Variants in ITGBL1 observed in about 807,000 individuals in gnomAD.
ITGBL1 encodes integrin subunit beta like 1, also known as integrin beta-like protein 1.
Under a neutral mutation model 68.5 loss-of-function variants are expected in ITGBL1, and 51 were observed. The ratio of observed to expected loss-of-function variants is 0.74; its 90% CI spans 0.59 to 0.94. ITGBL1 has a LOEUF of 0.94. ITGBL1 is among the 40% of genes least tolerant of loss of function. The probability of loss-of-function intolerance (pLI) is 0.00; values close to 1 mark genes in which losing one functional copy is unlikely to be tolerated. For synonymous variants in ITGBL1, 209 were observed against 227.3 expected (o/e 0.92, Z 0.72); for missense variants, 649 against 647.4 (o/e 1.00, Z -0.03).
intron 2 of ITGBL1, among the ~76,000 whole-genome samples, chr13:101,530,686 A>G (rs1215886320): frequency 6.6e-6 from 1 of 152,220 alleles, no homozygotes; most frequent in East Asian, 1.9e-4. Context: ...TATGTTTGGT[A>G]ATTTACATAT....
intron 2 of ITGBL1, among the ~76,000 whole-genome samples, chr13:101,555,124 C>G (rs2049983790): frequency 6.6e-6 from 1 of 152,058 alleles, no homozygotes. Flanking sequence ...TAAAAAGTGA[C>G]AATATTAATA....
At chr13:101,619,849 A>G (rs1210664208) in intron 7 of ITGBL1, among the ~76,000 whole-genome samples, 1 of 152,198 alleles carries the variant, frequency 6.6e-6, no homozygotes, top group Non-Finnish European at 1.5e-5. Context: ...AACATAGATT[A>G]GTTGAGATAT....
chr13:101,521,519 T>C (rs1376001526), intron 2 of ITGBL1, among the ~76,000 whole-genome samples: 1 of 151,956 alleles, frequency 6.6e-6, no homozygotes, highest in East Asian at 1.9e-4. Context: ...CAGAGACCAG[T>C]GTGCCTGGAT....
intron 2 of ITGBL1, among the ~76,000 whole-genome samples, chr13:101,532,989 T>G (rs1393831489): frequency 6.6e-6 from 1 of 152,186 alleles, no homozygotes; most frequent in Non-Finnish European, 1.5e-5. Flanking sequence ...AAATCAACAT[T>G]GAGCTAAACT....
chr13:101,513,954 T>C lies in ITGBL1; in HGVS notation c.317-53745T>C, dbSNP rs953051816. ...AATGAAGTGCATATTTAAATAAATA[T>C]TTATATAGTGTTTGTTTATTCAATG... On this transcript the variant is annotated intron_variant, in intron 2 of 10. Transcript: ENST00000376180. Among the ~76,000 whole-genome samples the C allele has an allele frequency of 6.6e-5, 10 of 152,076 alleles. 1 individual carries two copies. Among genetic ancestry groups the C allele is most frequent in the African/African-American group, 2.4e-4 (10 of 41,436 alleles).
At chr13:101,566,099 C>T (rs1481386880) in intron 2 of ITGBL1, among the ~76,000 whole-genome samples, 3 of 152,106 alleles carry the variant, frequency 2.0e-5, no homozygotes, top group Non-Finnish European at 2.9e-5. Flanking sequence ...ATTACTGCTA[C>T]CATAATGCTT....
chr13:101,628,978 G>GATA (rs2031888009), intron 7 of ITGBL1, among the ~76,000 whole-genome samples: 3 of 151,890 alleles, frequency 2.0e-5, no homozygotes, highest in Admixed American at 6.6e-5. Flanking sequence ...CATATATATT[G>GATA]ATAATGAGTG....
intron 2 of ITGBL1, among the ~76,000 whole-genome samples, chr13:101,535,590 T>G (rs1326704813): frequency 6.6e-6 from 1 of 152,124 alleles, no homozygotes; most frequent in Non-Finnish European, 1.5e-5. Flanking sequence ...TTATCTAAAC[T>G]TAATCTAGGT....
At chr13:101,502,714 G>T (rs1041954248) in intron 2 of ITGBL1, among the ~76,000 whole-genome samples, 2 of 152,116 alleles carry the variant, frequency 1.3e-5, no homozygotes, top group African/African-American at 4.8e-5. Context: ...CACAGTCTTT[G>T]CTTCTACAAT....
chr13:101,513,443 G>A (rs1248077337), intron 2 of ITGBL1, among the ~76,000 whole-genome samples: 1 of 152,042 alleles, frequency 6.6e-6, no homozygotes, highest in Non-Finnish European at 1.5e-5. Context: ...AGTGATTCCT[G>A]TGTACACTGA....
chr13:101,682,170 C>T (rs1242244017), intron 7 of ITGBL1, among the ~76,000 whole-genome samples: 2 of 152,130 alleles, frequency 1.3e-5, no homozygotes, highest in African/African-American at 4.8e-5. Context: ...ACTGTAACTA[C>T]ACTCCAGCAA....
chr13:101,467,843 T>A (rs1234112378), intron 2 of ITGBL1, among the ~76,000 whole-genome samples: 2 of 152,186 alleles, frequency 1.3e-5, no homozygotes, highest in African/African-American at 4.8e-5. Flanking sequence ...TGTTCTGTTA[T>A]TTTATCTGGA....
chr13:101,458,054 G>A (rs2048268031), intron 2 of ITGBL1, among the ~76,000 whole-genome samples: 1 of 152,138 alleles, frequency 6.6e-6, no homozygotes, highest in South Asian at 2.1e-4. Context: ...CACTTATGAA[G>A]CACTGCATAT....
chr13:101,643,690 C>T (rs1050340308), intron 7 of ITGBL1, among the ~76,000 whole-genome samples: 1 of 152,138 alleles, frequency 6.6e-6, no homozygotes, highest in South Asian at 2.1e-4. Flanking sequence ...ATTTCTAATA[C>T]AGGGTACAGG....
rs147509091 is a variant in ITGBL1 at position 101,645,725 on chromosome 13, G to A, written c.1016-46860G>A. On this transcript the variant is annotated intron_variant, in intron 7 of 10. Coordinates refer to ENST00000376180, the MANE Select transcript of ITGBL1 (RefSeq NM_004791.3). The stretch of plus-strand genomic sequence containing the variant: ...TAAGAAGTGAAGATGAAAAGCTCAG[G>A]GATGGGCATAGCATGAGGTTCATGC... 2.0e-3 allele frequency among the ~76,000 whole-genome samples: 300 copies of A among 152,266 alleles called. 1 individual carries two copies. The highest frequency in any genetic ancestry group is 6.7e-3 in the African/African-American group (279 of 41,550).
rs143606373 is a variant in ITGBL1 at position 101,573,489 on chromosome 13, G to A, written c.464-1935G>A. On this transcript the variant is annotated intron_variant, in intron 3 of 10. Coordinates refer to ENST00000376180, the MANE Select transcript of ITGBL1 (RefSeq NM_004791.3). ...TCAGCATCCATAAATATATTTTCTG[G>A]AGAAAATGTTTGTAAATATGATGAA... 2.9e-4 allele frequency among the ~76,000 whole-genome samples: 44 copies of A among 152,174 alleles called. No homozygotes were observed. The East Asian group carries it at 7.5e-3, about 26-fold the overall frequency.
intron 6 of ITGBL1, among the ~76,000 whole-genome samples, chr13:101,595,332 G>A (rs2029897627): frequency 6.6e-6 from 1 of 152,070 alleles, no homozygotes; most frequent in Admixed American, 6.6e-5. Context: ...TACCAGAGCA[G>A]GAACTCCCTC....
chr13:101,546,073 A>G (rs961464575), intron 2 of ITGBL1, among the ~76,000 whole-genome samples: 5 of 152,244 alleles, frequency 3.3e-5, no homozygotes, highest in African/African-American at 1.2e-4. Flanking sequence ...AATATTGGGT[A>G]AAATGTTATG....
chr13:101,604,860 A>ATG (rs1566752838), intron 7 of ITGBL1, among the ~76,000 whole-genome samples: 5 of 17,476 alleles, frequency 2.9e-4, no homozygotes, highest in Middle Eastern at 0.019. Context: ...ATATATATAT[A>ATG]TATATATATA....
Sources: gnomAD v4.1 joint callset for allele counts (sites outside exome capture counted in the v4.1 genomes callset) on GRCh38, gnomAD v4.1.1 for gene constraint, MANE v1.5 for transcripts, NCBI Gene and HGNC (gene_info 2026-07-23, HGNC 2026-07-21) for gene names.